RUNX1: variants seen among roughly 807,000 people sequenced by gnomAD.
RUNX1 encodes the protein runt-related transcription factor 1.
Under a neutral mutation model 42.8 loss-of-function variants are expected in RUNX1, and 19 were observed. That is an observed-to-expected ratio of 0.44 (90% confidence interval 0.31 to 0.65). The LOEUF is 0.65. RUNX1 is among the 30% of genes least tolerant of loss of function. The probability of loss-of-function intolerance (pLI) is 0.07; values close to 1 mark genes in which losing one functional copy is unlikely to be tolerated. For missense variants in RUNX1, 528 were observed against 672.0 expected (o/e 0.79, Z 2.37); for synonymous variants, 271 against 289.4 (o/e 0.94, Z 0.64).
intron 2 of RUNX1, among the ~76,000 whole-genome samples, chr21:34,952,843 G>C (rs1182128528): frequency 6.6e-6 from 1 of 152,170 alleles, no homozygotes; most frequent in East Asian, 1.9e-4. Context: ...CTCACACCAG[G>C]AGGTATGTAG....
At chr21:34,852,497 A>G (rs1195269567) in intron 6 of RUNX1, among the ~76,000 whole-genome samples, 2 of 152,244 alleles carry the variant, frequency 1.3e-5, no homozygotes, top group Non-Finnish European at 2.9e-5. Context: ...TTCGCTGGAA[A>G]CATTTAGGCA....
At chr21:35,037,111 C>T (rs1007666051) in intron 2 of RUNX1, among the ~76,000 whole-genome samples, 1 of 152,182 alleles carries the variant, frequency 6.6e-6, no homozygotes, top group South Asian at 2.1e-4. Flanking sequence ...GAGCAAGTGT[C>T]GCCTTAAGTT....
chr21:34,961,910 T>C (rs2058684588), intron 2 of RUNX1, among the ~76,000 whole-genome samples: 2 of 152,140 alleles, frequency 1.3e-5, no homozygotes, highest in South Asian at 2.1e-4. Flanking sequence ...TTTCCTTTTG[T>C]GAGACAGAGT....
In RUNX1 at chr21:34,859,363, C is replaced by T. The variant is rs765939522; in HGVS notation, c.613+111G>A. On this transcript the variant is annotated intron_variant, in intron 6 of 8. Coordinates refer to ENST00000675419, the MANE Select transcript of RUNX1 (RefSeq NM_001754.5). Reference sequence around the variant, plus strand: ...TTTGGCTTTACGGGGGCCTGACATCCCCCTGGGGGAAAGGTTGAACCCAAG... The same window carrying T: ...TTTGGCTTTACGGGGGCCTGACATCTCCCTGGGGGAAAGGTTGAACCCAAG... 1.4e-5 allele frequency: 13 copies of T among 906,404 alleles called. No homozygotes were observed. In the Admixed American group the frequency reaches 1.6e-4, roughly 11 times the overall value. 56.1% of individuals were successfully genotyped at this position (906,404 alleles called of 1,614,324 possible).
chr21:35,039,813 G>C (rs1314866631), intron 2 of RUNX1, among the ~76,000 whole-genome samples: 2 of 152,132 alleles, frequency 1.3e-5, no homozygotes, highest in South Asian at 2.1e-4. Context: ...TTTGTTTAAG[G>C]TTGCTTAACG....
intron 2 of RUNX1, among the ~76,000 whole-genome samples, chr21:34,922,465 A>T (rs2058361241): frequency 1.3e-5 from 2 of 152,236 alleles, no homozygotes; most frequent in African/African-American, 2.4e-5. Context: ...TCACATACCT[A>T]GTAAGAAGCA....
chr21:34,999,313 C>T (rs1312030433), intron 2 of RUNX1, among the ~76,000 whole-genome samples: 1 of 152,214 alleles, frequency 6.6e-6, no homozygotes, highest in Non-Finnish European at 1.5e-5. Flanking sequence ...GCCTTTTCTC[C>T]AAAGATCACA....
intron 7 of RUNX1, among the ~76,000 whole-genome samples, chr21:34,808,750 G>A (rs1439249982): frequency 1.3e-5 from 2 of 152,162 alleles, no homozygotes; most frequent in Admixed American, 6.5e-5. Context: ...CCTGCACCAC[G>A]AGGCTGCTAC....
At chr21:34,924,340 A>G (rs1245656766) in intron 2 of RUNX1, among the ~76,000 whole-genome samples, 3 of 152,228 alleles carry the variant, frequency 2.0e-5, no homozygotes, top group Admixed American at 6.5e-5. Flanking sequence ...TTAAGGTACA[A>G]CAGGTTAATA....
chr21:35,027,337 G>A (rs2059244860), intron 2 of RUNX1, among the ~76,000 whole-genome samples: 1 of 152,192 alleles, frequency 6.6e-6, no homozygotes, highest in Non-Finnish European at 1.5e-5. Flanking sequence ...GAGCAAATGG[G>A]GACGATGATT....
intron 2 of RUNX1, among the ~76,000 whole-genome samples, chr21:35,023,394 A>G (rs1428633813): frequency 6.6e-6 from 1 of 152,246 alleles, no homozygotes; most frequent in Non-Finnish European, 1.5e-5. Flanking sequence ...GCTGTAGGAA[A>G]AGCAGGCAGA....
At position 34,907,381 on chromosome 21, in the gene RUNX1, A is replaced by G. The variant is rs1394256586; in HGVS notation, c.59-14418T>C. Among the ~76,000 whole-genome samples, 1 of 152,216 alleles carries G rather than the reference A, an allele frequency of 6.6e-6. No homozygotes were observed. Among genetic ancestry groups the G allele is most frequent in the Non-Finnish European group, 1.5e-5 (1 of 68,034 alleles). Reference sequence around the variant, plus strand: ...ATAATAACAAAAGCAAGGTAAGAAGAAGAAATAGAACAGAATAACTGGAAA... The same window carrying G: ...ATAATAACAAAAGCAAGGTAAGAAGGAGAAATAGAACAGAATAACTGGAAA... On this transcript the variant is annotated intron_variant, in intron 2 of 8. Transcript: ENST00000675419. The surrounding 1 kb of genome is among the most constrained non-coding windows in gnomAD (Gnocchi z 5.3).
intron 2 of RUNX1, among the ~76,000 whole-genome samples, chr21:35,031,335 C>G: frequency 6.6e-6 from 1 of 151,958 alleles, no homozygotes; most frequent in Middle Eastern, 3.2e-3. Context: ...GCAACAAGAA[C>G]GAAACTCCGT....
chr21:34,848,580 G>A lies in RUNX1; in HGVS notation c.613+10894C>T, dbSNP rs371171298. Among the ~76,000 whole-genome samples, 10 of 152,214 alleles carry A rather than the reference G, an allele frequency of 6.6e-5. No homozygotes were observed. In the South Asian group the frequency reaches 2.1e-3, roughly 32 times the overall value. ...ATCCCGAGTAGCTGGGATTATAGGC[G>A]CCTGCCACCATGCCCGGCTAATTTT... On this transcript the variant is annotated intron_variant, in intron 6 of 8. Transcript: ENST00000675419.
chr21:34,887,260 G>GGGGGGGGGGT lies in RUNX1; in HGVS notation c.98-165_98-164insACCCCCCCCC. The GGGGGGGGGGT allele has an allele frequency of 1.3e-5, 10 of 771,762 alleles. No individual in the cohort carries two copies. In the Admixed American group the frequency reaches 2.2e-4, roughly 17 times the overall value. The allele number at this position is 771,762 out of a possible 1,614,324, so 47.8% of individuals were successfully genotyped here. ...CGGGGGGTGGGGGGGGGCGGGGGTG[G>GGGGGGGGGGT]TTAGGGGAGGAGGGAGACTAAGTTA... is the stretch of plus-strand genomic sequence containing the variant. On this transcript the variant is annotated intron_variant, in intron 3 of 8. Transcript: ENST00000675419.
chr21:34,811,879 A>G (rs1376153304), intron 7 of RUNX1, among the ~76,000 whole-genome samples: 2 of 152,154 alleles, frequency 1.3e-5, no homozygotes, highest in East Asian at 1.9e-4. Context: ...TTTCACAGAC[A>G]TATTTCTGGA....
At position 34,951,165 on chromosome 21, in the gene RUNX1, G is replaced by A. The variant is rs532212800; in HGVS notation, c.59-58202C>T. Among the ~76,000 whole-genome samples, 125 of 152,292 alleles carry A rather than the reference G, an allele frequency of 8.2e-4. 2 individuals are homozygous for A. The highest frequency in any genetic ancestry group is 2.9e-3 in the African/African-American group (121 of 41,570). On this transcript the variant is annotated intron_variant, in intron 2 of 8. Transcript: ENST00000675419. The stretch of plus-strand genomic sequence containing the variant: ...ATCTGCCCAAGGGATAGTTCACATG[G>A]TGACTCAGATGTTTTGAAGCCACAC...
intron 2 of RUNX1, among the ~76,000 whole-genome samples, chr21:34,958,447 A>C (rs923877769): frequency 2.6e-5 from 4 of 152,222 alleles, no homozygotes; most frequent in Non-Finnish European, 5.9e-5. Context: ...ACACATGAAA[A>C]AATGCTCATC....
intron 2 of RUNX1, among the ~76,000 whole-genome samples, chr21:34,906,733 C>T (rs1162369929): frequency 2.6e-5 from 4 of 152,166 alleles, no homozygotes; most frequent in African/African-American, 4.8e-5. Flanking sequence ...ACTCCTTTTG[C>T]TTCTGAAGGG....
Sources: allele counts gnomAD v4.1 joint callset (sites outside exome capture counted in the v4.1 genomes callset), GRCh38; gene constraint gnomAD v4.1.1; non-coding constraint Gnocchi (gnomAD v3.1); transcripts MANE v1.5; gene names NCBI Gene and HGNC (gene_info 2026-07-23, HGNC 2026-07-21).